LIN28B: variants seen among roughly 807,000 people sequenced by gnomAD.
LIN28B encodes the protein protein lin-28 homolog B.
A neutral mutation model predicts 21.9 loss-of-function variants in LIN28B; 5 were observed. The observed-to-expected ratio is 0.23, with a 90% CI of 0.12 to 0.48. LIN28B has a LOEUF of 0.48. LIN28B is among the 20% of genes least tolerant of loss of function. The pLI, the probability that LIN28B is intolerant of heterozygous loss-of-function variation, is 0.98. For synonymous variants in LIN28B, 109 were observed against 111.3 expected, an observed-to-expected ratio of 0.98 and a Z score of 0.13; for missense variants, 245 against 310.5, an observed-to-expected ratio of 0.79 and a Z score of 1.58.
intron 3 of LIN28B, among the ~76,000 whole-genome samples, chr6:105,029,497 G>A (rs1771372638): frequency 1.3e-5 from 2 of 152,118 alleles, no homozygotes; most frequent in Admixed American, 1.3e-4. Flanking sequence ...ATGAAGGTAG[G>A]ATAAGGCGAG....
At chr6:104,957,549 G>A (rs950742422) in intron 1 of LIN28B, among the ~76,000 whole-genome samples, 1 of 150,372 alleles carries the variant, frequency 6.7e-6, no homozygotes, top group African/African-American at 2.5e-5. Flanking sequence ...GTGATTCCAA[G>A]AAAACTTTTA....
intron 2 of LIN28B, among the ~76,000 whole-genome samples, chr6:104,997,539 A>AC: frequency 6.8e-6 from 1 of 147,552 alleles, no homozygotes; most frequent in Non-Finnish European, 1.5e-5. Context: ...AATATGTAAC[A>AC]CCCGCCCCCC....
intron 2 of LIN28B, among the ~76,000 whole-genome samples, chr6:104,972,187 G>A (rs1161030132): frequency 6.6e-6 from 1 of 152,098 alleles, no homozygotes; most frequent in African/African-American, 2.4e-5. Flanking sequence ...GGCCAGGCTG[G>A]CCTTGAATGC....
chr6:105,061,336 G>C (rs1772117921), intron 3 of LIN28B, among the ~76,000 whole-genome samples: 1 of 152,142 alleles, frequency 6.6e-6, no homozygotes, highest in Non-Finnish European at 1.5e-5. Flanking sequence ...GGAACAGTAG[G>C]AGATGGTCAA....
At chr6:104,958,052 C>A in intron 1 of LIN28B, 47 bp from the exon 2 acceptor site, 2 of 1,277,594 alleles carry the variant, frequency 1.6e-6, no homozygotes, top group African/African-American at 1.5e-5. Flanking sequence ...TTTGAATGCA[C>A]ATTGAATGGG....
chr6:104,944,500 A>G (rs1281745723), intron 2 of LIN28B, among the ~76,000 whole-genome samples: 4 of 152,130 alleles, frequency 2.6e-5, no homozygotes, highest in Non-Finnish European at 5.9e-5. Context: ...CATTCATGAA[A>G]TAAATTACAC....
chr6:104,988,514 A>G (rs1310177227), intron 2 of LIN28B, among the ~76,000 whole-genome samples: 3 of 151,568 alleles, frequency 2.0e-5, no homozygotes, highest in Non-Finnish European at 4.4e-5. Flanking sequence ...TTCTTTGTAG[A>G]AAGGTTTTAA....
chr6:105,047,612 A>G (rs569886946), intron 3 of LIN28B, among the ~76,000 whole-genome samples: 2 of 152,246 alleles, frequency 1.3e-5, no homozygotes, highest in East Asian at 1.9e-4. Flanking sequence ...CTTGGGCAGT[A>G]TGGCCATTTT....
chr6:104,960,143 T>C, intron 2 of LIN28B, among the ~76,000 whole-genome samples: 1 of 152,288 alleles, frequency 6.6e-6, no homozygotes, highest in Admixed American at 6.5e-5. Flanking sequence ...CATACAGTAG[T>C]ATATACATAC....
intron 2 of LIN28B, among the ~76,000 whole-genome samples, chr6:104,991,281 G>A (rs1770469368): frequency 2.0e-5 from 3 of 150,770 alleles, no homozygotes; most frequent in Admixed American, 1.3e-4. Context: ...GTGGAGGGGC[G>A]CCTCACTTCT....
chr6:104,984,242 GCTTTTTCTCC>G (rs1770286252), intron 2 of LIN28B, among the ~76,000 whole-genome samples: 1 of 152,078 alleles, frequency 6.6e-6, no homozygotes, highest in Non-Finnish European at 1.5e-5. Flanking sequence ...TTAATAATTA[GCTTTTTCTCC>G]AGAGGAATAA....
Position 105,050,526 on chromosome 6 carries a change from C to T in LIN28B, c.383+24044C>T, listed in dbSNP as rs58649731. Reference sequence around the variant, plus strand: ...CTGAGGCAGGAGAATGGCGTGAACCCGGGAAGCGGAGCTTGCAGTGAGCTG... The same window carrying T: ...CTGAGGCAGGAGAATGGCGTGAACCTGGGAAGCGGAGCTTGCAGTGAGCTG... On this transcript the variant is annotated intron_variant, in intron 3 of 3. Transcript: ENST00000345080. 9.0e-3 allele frequency among the ~76,000 whole-genome samples: 1,210 copies of T among 134,688 alleles called. 21 individuals carry two copies. Among genetic ancestry groups the T allele is most frequent in the African/African-American group, 0.032 (1,154 of 36,086 alleles). 88.4% of individuals were successfully genotyped at this position (134,688 alleles called of 152,430 possible).
chr6:105,055,911 A>G (rs1772012395), intron 3 of LIN28B, among the ~76,000 whole-genome samples: 1 of 132,838 alleles, frequency 7.5e-6, no homozygotes. Context: ...GCACGCCACC[A>G]TGCCTGGCTT....
chr6:105,039,699 C>T (rs544124287), intron 3 of LIN28B, among the ~76,000 whole-genome samples: 21 of 152,188 alleles, frequency 1.4e-4, no homozygotes, highest in African/African-American at 5.1e-4. Context: ...ATTTTGAAAC[C>T]TTCAGTAGGG....
chr6:105,077,265 TAA>T (rs1157716547), intron 3 of LIN28B, among the ~76,000 whole-genome samples: 24 of 152,136 alleles, frequency 1.6e-4, no homozygotes, highest in Non-Finnish European at 3.1e-4. Flanking sequence ...TTGTGCTTCA[TAA>T]ATGAGATTTA....
At chr6:105,006,164 C>T (rs1410437612) in intron 2 of LIN28B, among the ~76,000 whole-genome samples, 1 of 152,110 alleles carries the variant, frequency 6.6e-6, no homozygotes, top group Admixed American at 6.5e-5. Flanking sequence ...TTTTACTAAA[C>T]ACTTTAACAC....
intron 3 of LIN28B, among the ~76,000 whole-genome samples, chr6:105,071,127 C>T (rs1772325693): frequency 6.6e-6 from 1 of 152,116 alleles, no homozygotes; most frequent in South Asian, 2.1e-4. Context: ...ATCCGGCCAC[C>T]TAGACCTTCC....
At chr6:105,022,991 T>C (rs1582901197) in intron 2 of LIN28B, among the ~76,000 whole-genome samples, 1 of 150,822 alleles carries the variant, frequency 6.6e-6, no homozygotes, top group South Asian at 2.1e-4. Context: ...AAAGTAAGCA[T>C]TGGAACCAGT....
chr6:104,944,925 CTTGATG>C (rs1432031830), intron 2 of LIN28B, among the ~76,000 whole-genome samples: 2 of 151,966 alleles, frequency 1.3e-5, no homozygotes, highest in Non-Finnish European at 2.9e-5. Flanking sequence ...GAAAAAAAGA[CTTGATG>C]TTGAATGGCC....
Sources: gnomAD v4.1 joint callset for allele counts (sites outside exome capture counted in the v4.1 genomes callset) on GRCh38, gnomAD v4.1.1 for gene constraint, MANE v1.5 for transcripts, NCBI Gene and HGNC (gene_info 2026-07-23, HGNC 2026-07-21) for gene names.